Variants in SUGCT observed in about 807,000 individuals in gnomAD.
SUGCT encodes succinyl-CoA:glutarate CoA-transferase.
SUGCT carries 41 observed loss-of-function variants against 55.0 expected under a neutral mutation model. That is an observed-to-expected ratio of 0.74 (90% CI 0.58 to 0.97). The LOEUF is 0.97. Among genes scored for constraint, SUGCT ranks in the 50% least tolerant of loss-of-function variants. The pLI is 0.00. For missense variants in SUGCT, 568 were observed against 547.8 expected (o/e 1.04, Z -0.37); for synonymous variants, 187 against 200.4 (o/e 0.93, Z 0.56).
chr7:40,925,245 T>G, the SUGCT span, among the ~76,000 whole-genome samples: 1 of 152,210 alleles, frequency 6.6e-6, no homozygotes, highest in Non-Finnish European at 1.5e-5. Context: ...AGTCAAAAGC[T>G]AAAATTCACA....
intron 1 of SUGCT, among the ~76,000 whole-genome samples, chr7:40,174,033 T>C (rs1784807567): frequency 6.6e-6 from 1 of 151,672 alleles, no homozygotes; most frequent in African/African-American, 2.4e-5. Flanking sequence ...TTTTTTGTTT[T>C]GTTTTTTGAG....
chr7:40,399,964 G>C (rs887410120), intron 9 of SUGCT, among the ~76,000 whole-genome samples: 5 of 152,052 alleles, frequency 3.3e-5, no homozygotes, highest in Non-Finnish European at 7.4e-5. Flanking sequence ...CATGAGAATT[G>C]CTTGAACCCA....
At chr7:40,536,041 T>C (rs1465623116) in intron 12 of SUGCT, among the ~76,000 whole-genome samples, 2 of 152,242 alleles carry the variant, frequency 1.3e-5, no homozygotes, top group African/African-American at 4.8e-5. Flanking sequence ...TGTTGAGTTA[T>C]TAAAATTTCA....
At chr7:41,030,014 G>A in the SUGCT span, among the ~76,000 whole-genome samples, 9 of 152,140 alleles carry the variant, frequency 5.9e-5, no homozygotes, top group Admixed American at 5.9e-4. Flanking sequence ...CATACAGAAT[G>A]CAGCCTGTTC....
chr7:40,263,544 C>T (rs1791365607), intron 7 of SUGCT, among the ~76,000 whole-genome samples: 1 of 152,188 alleles, frequency 6.6e-6, no homozygotes, highest in African/African-American at 2.4e-5. Context: ...TTTAAATTGA[C>T]TCTTCCTTAG....
the SUGCT span, among the ~76,000 whole-genome samples, chr7:40,946,813 TTAA>T: frequency 2.0e-5 from 3 of 152,218 alleles, no homozygotes; most frequent in Non-Finnish European, 4.4e-5. Context: ...AAATCAGCAA[TTAA>T]TACTATTGAT....
At chr7:40,742,809 G>A (rs1787535628) in intron 12 of SUGCT, among the ~76,000 whole-genome samples, 1 of 152,206 alleles carries the variant, frequency 6.6e-6, no homozygotes, top group South Asian at 2.1e-4. Context: ...TATATTCACT[G>A]TAAGTTTTGC....
Position 40,207,806 on chromosome 7 carries a change from A to G in SUGCT, c.484+12746A>G, listed in dbSNP as rs548621520. On this transcript the variant is annotated intron_variant, in intron 6 of 13. Transcript: ENST00000335693. ...CAAGACTCCATCTCAAAAAAAAAAAATTATACACAGAATTAGCATATGATT... is the reference window on the plus strand; with the variant it reads ...CAAGACTCCATCTCAAAAAAAAAAAGTTATACACAGAATTAGCATATGATT... 1.1e-4 allele frequency among the ~76,000 whole-genome samples: 17 copies of G among 152,222 alleles called. No homozygotes were observed. The South Asian group carries it at 2.3e-3, about 20-fold the overall frequency.
chr7:40,314,182 G>A (rs1186712100), intron 8 of SUGCT, among the ~76,000 whole-genome samples: 1 of 152,170 alleles, frequency 6.6e-6, no homozygotes. Flanking sequence ...CAGGAATCCA[G>A]TTCTTCCCTA....
At chr7:40,484,908 C>G (rs765309609) in intron 11 of SUGCT, among the ~76,000 whole-genome samples, 57 of 151,778 alleles carry the variant, frequency 3.8e-4, no homozygotes, top group Non-Finnish European at 1.2e-4. Flanking sequence ...AGCATTGGAC[C>G]CAAGATAGAA....
At chr7:40,802,748 A>G (rs1790890905) in intron 13 of SUGCT, among the ~76,000 whole-genome samples, 1 of 152,230 alleles carries the variant, frequency 6.6e-6, no homozygotes, top group African/African-American at 2.4e-5. Context: ...TGTGCTTTCT[A>G]TAGATAGCTG....
intron 13 of SUGCT, among the ~76,000 whole-genome samples, chr7:40,790,627 A>G (rs1182912347): frequency 6.6e-6 from 1 of 152,268 alleles, no homozygotes; most frequent in Non-Finnish European, 1.5e-5. Context: ...GACAAATAAC[A>G]TTAATTTAAA....
At chr7:40,550,406 A>T (rs1795236844) in intron 12 of SUGCT, among the ~76,000 whole-genome samples, 1 of 152,194 alleles carries the variant, frequency 6.6e-6, no homozygotes, top group South Asian at 2.1e-4. Context: ...TCTTTCATGA[A>T]GTTGCGTTTG....
chr7:40,554,027 G>A (rs1439140781), intron 12 of SUGCT, among the ~76,000 whole-genome samples: 1 of 152,202 alleles, frequency 6.6e-6, no homozygotes, highest in East Asian at 1.9e-4. Context: ...AAGTTGCTTA[G>A]TGCATTGAAC....
intron 12 of SUGCT, among the ~76,000 whole-genome samples, chr7:40,666,419 GTTTTTTTTTTTTTT>G (rs70990637): frequency 8.3e-5 from 6 of 72,236 alleles, no homozygotes; most frequent in African/African-American, 2.1e-4. Context: ...TTATAGGTTA[GTTTTTTTTTTTTTT>G]TTTTTTTTTT....
At chr7:40,919,113 G>T in the SUGCT span, among the ~76,000 whole-genome samples, 1 of 152,142 alleles carries the variant, frequency 6.6e-6, no homozygotes. Flanking sequence ...GTTCTTTCTG[G>T]ATGAGCTCAC....
At chr7:40,602,933 T>G (rs769974369) in intron 12 of SUGCT, among the ~76,000 whole-genome samples, 6 of 152,140 alleles carry the variant, frequency 3.9e-5, no homozygotes, top group Non-Finnish European at 7.4e-5. Context: ...CAAACAGTCT[T>G]GGGTGGCTGC....
the SUGCT span, among the ~76,000 whole-genome samples, chr7:40,999,208 T>TTATG: frequency 2.0e-5 from 3 of 152,152 alleles, no homozygotes; most frequent in South Asian, 6.2e-4. Context: ...GGCTCTTCCA[T>TTATG]TATGCACAGC....
intron 12 of SUGCT, among the ~76,000 whole-genome samples, chr7:40,568,767 A>G (rs1168559564): frequency 6.6e-6 from 1 of 152,222 alleles, no homozygotes; most frequent in Non-Finnish European, 1.5e-5. Flanking sequence ...AAGAGATTTT[A>G]TTTAATTTAC....
Sources: gnomAD v4.1 joint callset for allele counts (sites outside exome capture counted in the v4.1 genomes callset) on GRCh38, gnomAD v4.1.1 for gene constraint, MANE v1.5 for transcripts, NCBI Gene and HGNC (gene_info 2026-07-23, HGNC 2026-07-21) for gene names.